The following TENM4 variants were observed in gnomAD, a reference collection of about 807,000 sequenced individuals.
TENM4 encodes teneurin transmembrane protein 4.
In TENM4, 82 loss-of-function variants were observed where a neutral mutation model predicts 243.3. The ratio of observed to expected loss-of-function variants is 0.34; its 90% confidence interval spans 0.28 to 0.40. TENM4 has a LOEUF of 0.40. TENM4 is among the 10% of genes least tolerant of loss of function. The pLI is 1.00. For synonymous variants in TENM4, 1,412 were observed against 1,456.3 expected (o/e 0.97, Z 0.69); for missense variants, 3,138 against 3,673.3 (o/e 0.85, Z 3.77).
chr11:79,228,916 G>A (rs757815706), intron 2 of TENM4, among the ~76,000 whole-genome samples: 36 of 152,144 alleles, frequency 2.4e-4, no homozygotes, highest in Middle Eastern at 3.4e-3. Flanking sequence ...GATTTCTTTC[G>A]TTTTTCCCTA....
intron 20 of TENM4, among the ~76,000 whole-genome samples, chr11:78,735,816 A>G (rs986815584): frequency 6.6e-6 from 1 of 151,390 alleles, no homozygotes; most frequent in Non-Finnish European, 1.5e-5. Context: ...AGGGCCTCAC[A>G]CATTCCCTTG....
intron 6 of TENM4, among the ~76,000 whole-genome samples, chr11:79,011,838 C>T (rs2136755681): frequency 6.6e-6 from 1 of 152,312 alleles, no homozygotes; most frequent in Non-Finnish European, 1.5e-5. Flanking sequence ...GGGAGCCTGC[C>T]CATCTCTTCT....
chr11:78,778,333 G>GC (rs1856777043), intron 17 of TENM4, among the ~76,000 whole-genome samples: 1 of 120,292 alleles, frequency 8.3e-6, no homozygotes, highest in African/African-American at 2.9e-5. Context: ...GGGGCGGGGG[G>GC]AGGGAAAAAC....
intron 3 of TENM4, among the ~76,000 whole-genome samples, chr11:79,153,302 C>T (rs1035821019): frequency 3.9e-5 from 6 of 152,160 alleles, no homozygotes; most frequent in Non-Finnish European, 8.8e-5. Context: ...TTAGATGATT[C>T]TTCTTGTGTG....
At chr11:78,820,447 C>G (rs1382778026) in intron 12 of TENM4, among the ~76,000 whole-genome samples, 1 of 152,188 alleles carries the variant, frequency 6.6e-6, no homozygotes, top group Non-Finnish European at 1.5e-5. Context: ...CAAGCCATCT[C>G]TATACATTAC....
In TENM4 at chr11:79,000,041, C is replaced by T. The variant is rs530919459; in HGVS notation, c.493+64697G>A. Among the ~76,000 whole-genome samples, 9 of 152,260 alleles carry T rather than the reference C, an allele frequency of 5.9e-5. No individual in the cohort carries two copies. The South Asian group carries it at 1.9e-3, about 32-fold the overall frequency. ...TAAGAGAAAAATGACTGATTGTTTA[C>T]AGGAAAGCATCAATACAATTAATGG... On this transcript the variant is annotated intron_variant, in intron 6 of 33. Transcript: ENST00000278550.
intron 7 of TENM4, among the ~76,000 whole-genome samples, chr11:78,899,572 A>G (rs11237655): frequency 0.43 from 23,137 of 53,944 alleles, 4,370 homozygotes; most frequent in East Asian, 0.61. Context: ...GGGGGGGGGG[A>G]AAAAGAAAAA....
chr11:78,905,772 C>A (rs1383159179), intron 6 of TENM4, among the ~76,000 whole-genome samples: 2 of 152,206 alleles, frequency 1.3e-5, no homozygotes, highest in African/African-American at 4.8e-5. Context: ...AGGGAGAGAA[C>A]CTGGCAGGCG....
chr11:78,970,244 G>A (rs752790715), intron 6 of TENM4, among the ~76,000 whole-genome samples: 4 of 152,084 alleles, frequency 2.6e-5, no homozygotes, highest in Non-Finnish European at 4.4e-5. Context: ...GAGGGACCAC[G>A]TATTGCTCAC....
intron 1 of TENM4, among the ~76,000 whole-genome samples, chr11:79,314,278 T>C (rs1273676806): frequency 6.6e-6 from 1 of 152,234 alleles, no homozygotes; most frequent in East Asian, 1.9e-4. Flanking sequence ...CTAAGCATAG[T>C]GCCTGGCAAA....
chr11:78,731,833 T>G (rs767613762), intron 21 of TENM4, among the ~76,000 whole-genome samples: 7 of 152,208 alleles, frequency 4.6e-5, no homozygotes, highest in Admixed American at 1.3e-4. Context: ...TAGCTAAAAT[T>G]TATTGAGTAC....
At chr11:79,232,811 G>A (rs544523013) in intron 2 of TENM4, among the ~76,000 whole-genome samples, 1 of 152,358 alleles carries the variant, frequency 6.6e-6, no homozygotes, top group Admixed American at 6.5e-5. Context: ...TGATCTGGTT[G>A]GAGGTTGGAA....
At chr11:78,898,417 C>T (rs1855844945) in intron 7 of TENM4, among the ~76,000 whole-genome samples, 1 of 152,228 alleles carries the variant, frequency 6.6e-6, no homozygotes, top group Admixed American at 6.5e-5. Context: ...CAGGGAAGGG[C>T]CTGTGACTAT....
intron 4 of TENM4, among the ~76,000 whole-genome samples, chr11:79,113,660 G>A (rs191789329): frequency 5.9e-4 from 90 of 152,114 alleles, no homozygotes; most frequent in African/African-American, 2.0e-3. Context: ...AGGCACTGGG[G>A]ATTAACCAAC....
intron 4 of TENM4, among the ~76,000 whole-genome samples, chr11:79,077,632 C>G (rs1213149992): frequency 6.6e-6 from 1 of 152,142 alleles, no homozygotes; most frequent in Non-Finnish European, 1.5e-5. Flanking sequence ...CTGAAAAACA[C>G]TGTCCTAGAT....
chr11:79,266,128 G>A (rs656104), intron 2 of TENM4, among the ~76,000 whole-genome samples: 2 of 152,034 alleles, frequency 1.3e-5, no homozygotes, highest in East Asian at 1.9e-4. Context: ...GCTGGCCTAC[G>A]TCATAAGACT....
rs1226594073 is a variant in TENM4 at position 79,138,440 on chromosome 11, TTA to T, written c.-66+10268_-66+10269del. ...ATATTATATTATATATAAATATATATTATATTTATATATAATATATTTTAATA... is the reference window on the plus strand; with the variant it reads ...ATATTATATTATATATAAATATATATTATTTATATATAATATATTTTAATA... On this transcript the variant is annotated intron_variant, in intron 4 of 33. Coordinates refer to ENST00000278550, the MANE Select transcript of TENM4 (RefSeq NM_001098816.3). Among the ~76,000 whole-genome samples the T allele has an allele frequency of 1.5e-3, 168 of 113,886 alleles. 1 individual carries two copies. The highest frequency in any genetic ancestry group is 2.3e-3 in the Non-Finnish European group (143 of 61,228). The allele number at this position is 113,886 out of a possible 152,430, so 74.7% of individuals were successfully genotyped here.
chr11:79,060,111 C>T (rs566056458), intron 6 of TENM4, among the ~76,000 whole-genome samples: 2 of 152,320 alleles, frequency 1.3e-5, no homozygotes, highest in African/African-American at 4.8e-5. Flanking sequence ...TGCTTGGGAG[C>T]GAAGCTTGAA....
chr11:79,129,356 C>T (rs866949072), intron 4 of TENM4, among the ~76,000 whole-genome samples: 13 of 152,188 alleles, frequency 8.5e-5, no homozygotes, highest in Middle Eastern at 3.4e-3. Flanking sequence ...ACAATTTGAA[C>T]GGGGTGAGAA....
Sources: allele counts gnomAD v4.1 joint callset (sites outside exome capture counted in the v4.1 genomes callset), GRCh38; gene constraint gnomAD v4.1.1; transcripts MANE v1.5; gene names NCBI Gene and HGNC (gene_info 2026-07-23, HGNC 2026-07-21).